Variants in CDH4 observed in about 807,000 individuals in gnomAD.
CDH4 encodes cadherin-4.
A neutral mutation model predicts 86.0 loss-of-function variants in CDH4; 33 were observed. The ratio of observed to expected loss-of-function variants is 0.38; its 90% CI spans 0.29 to 0.51. The LOEUF is 0.51. CDH4 is among the 20% of genes least tolerant of loss of function. The pLI, the probability that CDH4 is intolerant of heterozygous loss-of-function variation, is 0.86. For missense variants in CDH4, 1,114 were observed against 1,307.4 expected, an observed-to-expected ratio of 0.85 and a Z score of 2.28; for synonymous variants, 555 against 549.4, an observed-to-expected ratio of 1.01 and a Z score of -0.14.
chr20:61,255,713 A>T (rs2084094546), intron 2 of CDH4, among the ~76,000 whole-genome samples: 1 of 152,190 alleles, frequency 6.6e-6, no homozygotes, highest in Non-Finnish European at 1.5e-5. Flanking sequence ...CACATTCAGG[A>T]CTGTTGACTG....
chr20:61,663,978 G>A lies in CDH4; in HGVS notation c.170-79585G>A, dbSNP rs967018453. 1.3e-5 allele frequency among the ~76,000 whole-genome samples: 2 copies of A among 152,164 alleles called. No individual in the cohort carries two copies. The highest frequency in any genetic ancestry group is 4.8e-5 in the African/African-American group (2 of 41,434). ...CACGTTGAGGTGTCTGTGTGCCACC[G>A]GGACCCTTCCGTAGACATGCACCAT... On this transcript the variant is annotated intron_variant, in intron 2 of 15. Coordinates refer to ENST00000614565, the MANE Select transcript of CDH4 (RefSeq NM_001794.5). The surrounding 1 kb of genome is among the most constrained non-coding windows in gnomAD (Gnocchi z 5.0).
intron 2 of CDH4, among the ~76,000 whole-genome samples, chr20:61,584,365 C>T (rs1255853164): frequency 2.6e-5 from 4 of 152,200 alleles, no homozygotes; most frequent in African/African-American, 9.7e-5. Flanking sequence ...TCAGAGAAGC[C>T]TCTCAGACAA....
At position 61,271,975 on chromosome 20, in the gene CDH4, C is replaced by T. The variant is rs183816584; in HGVS notation, c.169+17038C>T. 4.3e-3 allele frequency among the ~76,000 whole-genome samples: 661 copies of T among 152,284 alleles called. 6 individuals carry two copies. The highest frequency in any genetic ancestry group is 0.015 in the African/African-American group (605 of 41,566). Reference sequence around the variant, plus strand: ...GGCAGGGAGCCGTGTGCATGGAGGACGGCCAGAGAGAGCGGGGGACCGGGA... The same window carrying T: ...GGCAGGGAGCCGTGTGCATGGAGGATGGCCAGAGAGAGCGGGGGACCGGGA... On this transcript the variant is annotated intron_variant, in intron 2 of 15. Coordinates refer to ENST00000614565, the MANE Select transcript of CDH4 (RefSeq NM_001794.5).
chr20:61,709,011 C>G lies in CDH4; in HGVS notation c.170-34552C>G, dbSNP rs2087862069. 6.6e-6 allele frequency among the ~76,000 whole-genome samples: 1 copy of G among 152,250 alleles called. No individual in the cohort carries two copies. On this transcript the variant is annotated intron_variant, in intron 2 of 15. Coordinates refer to ENST00000614565, the MANE Select transcript of CDH4 (RefSeq NM_001794.5). This position sits in a 1 kb window ranked among gnomAD's most constrained non-coding sequence, Gnocchi z 4.8. ...CAGCCCTGCCTTCCCCGAAGGACCT[C>G]AGGCTACACGGGCAGTGGGGCTGCG...
intron 5 of CDH4, among the ~76,000 whole-genome samples, chr20:61,850,498 C>T (rs73143151): frequency 2.1e-3 from 313 of 152,316 alleles, no homozygotes; most frequent in Non-Finnish European, 3.3e-3. Flanking sequence ...AGCCAAGAGG[C>T]GGGAGCATTA....
chr20:61,666,244 C>A (rs2087322807), intron 2 of CDH4, among the ~76,000 whole-genome samples: 1 of 152,194 alleles, frequency 6.6e-6, no homozygotes, highest in African/African-American at 2.4e-5. Context: ...GTCATGCCTC[C>A]CCACAAGAGA....
At chr20:61,914,639 A>G (rs2054886470) in intron 9 of CDH4, among the ~76,000 whole-genome samples, 1 of 151,130 alleles carries the variant, frequency 6.6e-6, no homozygotes, top group Admixed American at 6.6e-5. Context: ...GCTCAGGGGA[A>G]CAAACATAGC....
intron 2 of CDH4, among the ~76,000 whole-genome samples, chr20:61,734,594 CTGTT>C (rs10608054): frequency 0.22 from 34,062 of 152,052 alleles, 4,119 homozygotes; most frequent in East Asian, 0.44. Flanking sequence ...GTGTGGGAAA[CTGTT>C]TGAATAGTGA....
intron 2 of CDH4, among the ~76,000 whole-genome samples, chr20:61,448,267 A>G (rs1302911733): frequency 6.6e-6 from 1 of 152,224 alleles, no homozygotes; most frequent in Non-Finnish European, 1.5e-5. Flanking sequence ...CTGACTGTGA[A>G]GAAGGTGCTT....
chr20:61,812,086 C>T (rs1980469672), intron 4 of CDH4, among the ~76,000 whole-genome samples: 1 of 152,112 alleles, frequency 6.6e-6, no homozygotes, highest in Admixed American at 6.5e-5. Flanking sequence ...ACACAGCACT[C>T]TCACCGTGCC....
chr20:61,593,030 G>T (rs1257779603), intron 2 of CDH4, among the ~76,000 whole-genome samples: 1 of 152,168 alleles, frequency 6.6e-6, no homozygotes, highest in Non-Finnish European at 1.5e-5. Flanking sequence ...GGTCAGAGAA[G>T]AAGTGGCAGT....
chr20:61,891,776 G>A (rs563097752), intron 7 of CDH4, among the ~76,000 whole-genome samples: 8 of 152,272 alleles, frequency 5.3e-5, no homozygotes, highest in East Asian at 1.9e-4. Flanking sequence ...CCCACCTCCC[G>A]GGTCCAACCG....
chr20:61,736,167 G>A (rs985443806), intron 2 of CDH4, among the ~76,000 whole-genome samples: 5 of 152,176 alleles, frequency 3.3e-5, no homozygotes, highest in African/African-American at 4.8e-5. Context: ...CACCCCGAAG[G>A]TGTAGGTTAT....
chr20:61,751,358 C>T (rs1308188071), intron 3 of CDH4, among the ~76,000 whole-genome samples: 1 of 152,180 alleles, frequency 6.6e-6, no homozygotes, highest in East Asian at 1.9e-4. Flanking sequence ...CTTTTGAGAA[C>T]CACTGAACTA....
chr20:61,318,209 A>G (rs2084488103), intron 2 of CDH4, among the ~76,000 whole-genome samples: 1 of 152,154 alleles, frequency 6.6e-6, no homozygotes, highest in Admixed American at 6.5e-5. Flanking sequence ...CTGTTTAGAC[A>G]GCAGTTTGCT....
At chr20:61,785,907 C>T (rs1978855096) in intron 4 of CDH4, among the ~76,000 whole-genome samples, 1 of 152,204 alleles carries the variant, frequency 6.6e-6, no homozygotes, top group Non-Finnish European at 1.5e-5. Context: ...AGGTAGGTTT[C>T]TTTCCTCCAA....
chr20:61,691,120 G>A (rs547058132), intron 2 of CDH4, among the ~76,000 whole-genome samples: 139 of 151,754 alleles, frequency 9.2e-4, no homozygotes, highest in African/African-American at 2.9e-3. Flanking sequence ...CCCACCCCTC[G>A]GCCAGCAGGG....
At position 61,844,736 on chromosome 20, in the gene CDH4, C is replaced by A. The variant is rs1159954080; in HGVS notation, c.645C>A (p.Pro215=). 6.2e-7 allele frequency: 1 copy of A among 1,614,076 alleles called. No individual in the cohort carries two copies. The highest frequency in any genetic ancestry group is 1.7e-5 in the Admixed American group (1 of 60,018). ...YSITGVGADQ[P]PMEVFSIDSM... is the part of the protein sequence containing the mutation. ...TCACGGGAGTGGGCGCCGACCAGCC[C>A]CCCATGGAGGTCTTCAGCATTGACT... The change falls in exon 5 of 16, where the codon CCC becomes CCA. Residue 215 remains proline, a synonymous_variant. Coordinates refer to ENST00000614565, the MANE Select transcript of CDH4 (RefSeq NM_001794.5).
At chr20:61,424,644 C>T (rs1004864896) in intron 2 of CDH4, among the ~76,000 whole-genome samples, 1 of 152,130 alleles carries the variant, frequency 6.6e-6, no homozygotes, top group Non-Finnish European at 1.5e-5. Context: ...CCCCTGTCAC[C>T]CACTCTTCCC....
Sources: gnomAD v4.1 joint callset for allele counts (sites outside exome capture counted in the v4.1 genomes callset) on GRCh38, gnomAD v4.1.1 for gene constraint, Gnocchi (gnomAD v3.1) non-coding constraint, MANE v1.5 for transcripts, NCBI Gene and HGNC (gene_info 2026-07-23, HGNC 2026-07-21) for gene names.